The following NCAN variants were observed in gnomAD, a reference collection of about 807,000 sequenced individuals.
NCAN encodes neurocan core protein.
A neutral mutation model predicts 121.8 loss-of-function variants in NCAN; 47 were observed. That is an observed-to-expected ratio of 0.39 (90% CI 0.31 to 0.49). NCAN has a LOEUF of 0.49. Among genes scored for constraint, NCAN ranks in the 20% least tolerant of loss-of-function variants. NCAN has a pLI of 0.92. For synonymous variants in NCAN, 633 were observed against 702.0 expected, an observed-to-expected ratio of 0.90 and a Z score of 1.55; for missense variants, 1,517 against 1,773.4, an observed-to-expected ratio of 0.86 and a Z score of 2.60.
intron 14 of NCAN, among the ~76,000 whole-genome samples, chr19:19,249,218 C>G (rs989498445): frequency 6.6e-6 from 1 of 151,862 alleles, no homozygotes; most frequent in African/African-American, 2.4e-5. Context: ...TCACAGGTGT[C>G]CACTGCCATG....
At chr19:19,217,900 T>C (rs1251940876) in intron 2 of NCAN, among the ~76,000 whole-genome samples, 1 of 151,752 alleles carries the variant, frequency 6.6e-6, no homozygotes. Flanking sequence ...GGCATGAGAA[T>C]CGCTTGAACC....
At position 19,247,151 on chromosome 19, in the gene NCAN, C is replaced by T. The variant is rs112033779; in HGVS notation, c.3638-1549C>T. On this transcript the variant is annotated intron_variant, in intron 13 of 14. Transcript: ENST00000252575. ...AGGCTGGAGTACAGTGGCATTATCA[C>T]GGCTCACTGCAGATCACTTGAACTC... Among the ~76,000 whole-genome samples, 20 of 151,840 alleles carry T rather than the reference C, an allele frequency of 1.3e-4. 1 individual carries two copies. Among genetic ancestry groups the T allele is most frequent in the African/African-American group, 4.3e-4 (18 of 41,404 alleles).
At chr19:19,238,564 A>T (rs2060890639) in intron 11 of NCAN, 153 bp downstream of exon 11, 2 of 796,764 alleles carry the variant, frequency 2.5e-6, no homozygotes, top group African/African-American at 3.4e-5. Flanking sequence ...CTGCTTCTTA[A>T]TGCATGAAAT....
intron 1 of NCAN, among the ~76,000 whole-genome samples, chr19:19,213,838 A>G (rs2060785548): frequency 6.6e-6 from 1 of 152,108 alleles, no homozygotes; most frequent in African/African-American, 2.4e-5. Flanking sequence ...GACTGAGCCC[A>G]TCTCCCTTTC....
At chr19:19,241,867 T>C (rs1367815387) in intron 12 of NCAN, among the ~76,000 whole-genome samples, 1 of 151,984 alleles carries the variant, frequency 6.6e-6, no homozygotes, top group Non-Finnish European at 1.5e-5. Flanking sequence ...TATATGCATA[T>C]GCATATAATA....
chr19:19,242,942 C>T (rs921156771), intron 12 of NCAN, among the ~76,000 whole-genome samples: 1 of 152,042 alleles, frequency 6.6e-6, no homozygotes, highest in Non-Finnish European at 1.5e-5. Flanking sequence ...TGAGACCAGC[C>T]TGGGCAACAT....
intron 3 of NCAN, among the ~76,000 whole-genome samples, chr19:19,221,386 G>A (rs1422281980): frequency 2.0e-5 from 3 of 151,950 alleles, no homozygotes; most frequent in Non-Finnish European, 4.4e-5. Context: ...TGGCCAAGAT[G>A]GTGAAACCCC....
chr19:19,238,313 C>G lies in NCAN; in HGVS notation c.3311C>G (p.Ala1104Gly). 2 of 1,614,178 alleles carry G rather than the reference C, an allele frequency of 1.2e-6. No homozygotes were observed. Among genetic ancestry groups the G allele is most frequent in the Non-Finnish European group, 1.7e-6 (2 of 1,180,032 alleles). The stretch of plus-strand genomic sequence containing the variant: ...CAGGGCCACTGTTACCGCTATTTTG[C>G]CCACCGGAGGGCATGGGAAGATGCC... ...KFQGHCYRYFAHRRAWEDAEK... is the reference protein window; with the variant it reads ...KFQGHCYRYFGHRRAWEDAEK... The change falls in exon 11 of 15, where the codon GCC becomes GGC. Residue 1104 changes from alanine to glycine, a missense_variant. Transcript: ENST00000252575.
intron 13 of NCAN, 147 bp from the exon 14 acceptor site, chr19:19,248,553 A>G: frequency 6.1e-6 from 4 of 654,710 alleles, no homozygotes; most frequent in Non-Finnish European, 9.9e-6. Context: ...TGAACCAGAG[A>G]GGCGGAGGTT....
intron 3 of NCAN, 49 bp from the exon 4 acceptor site, chr19:19,223,972 G>A: frequency 1.4e-6 from 2 of 1,480,590 alleles, no homozygotes; most frequent in Non-Finnish European, 1.8e-6. Flanking sequence ...TGTTCTTGAA[G>A]ATTCCAGCAT....
Position 19,224,643 on chromosome 19 carries a change from C to T in NCAN, c.778+210C>T, listed in dbSNP as rs2060828748. Among the ~76,000 whole-genome samples, 3 of 149,914 alleles carry T rather than the reference C, an allele frequency of 2.0e-5. No homozygotes were observed. In the South Asian group the frequency reaches 6.5e-4, roughly 32 times the overall value. The stretch of plus-strand genomic sequence containing the variant: ...CCTTTGCCCCCTTCCTCTCTCTGAT[C>T]CTCTTTCCCTCTCTAATCCCCTGTC... On this transcript the variant is annotated intron_variant, in intron 5 of 14. Coordinates refer to ENST00000252575, the MANE Select transcript of NCAN (RefSeq NM_004386.3).
At position 19,226,970 on chromosome 19, in the gene NCAN, A is replaced by C. The variant is rs377179872; in HGVS notation, c.1557A>C (p.Gln519His). ...CCACCTCAGAGGCTGCAGTGAACCA[A>C]ATGGAGCCTCCGTTGGCCATGGCAG... ...QPPTSEAAVN[Q>H]MEPPLAMAVT... The change falls in exon 7 of 15, where the codon CAA becomes CAC. Residue 519 changes from glutamine to histidine, a missense_variant. Transcript: ENST00000252575. The C allele has an allele frequency of 6.5e-7, 1 of 1,545,560 alleles. No homozygotes were observed. Among genetic ancestry groups the C allele is most frequent in the African/African-American group, 1.4e-5 (1 of 72,600 alleles).
At chr19:19,224,559 C>A in intron 5 of NCAN, 126 bp downstream of exon 5, 1 of 1,266,292 alleles carries the variant, frequency 7.9e-7, no homozygotes, top group Non-Finnish European at 1.1e-6. Flanking sequence ...AACCTGCAAC[C>A]AAGACATGAT....
intron 12 of NCAN, among the ~76,000 whole-genome samples, chr19:19,243,937 A>G (rs1313730517): frequency 3.3e-5 from 5 of 151,090 alleles, no homozygotes; most frequent in Non-Finnish European, 5.9e-5. Flanking sequence ...GGGGCAGGAG[A>G]ATTGCTTGAA....
At chr19:19,240,745 T>C in intron 12 of NCAN, 60 bp downstream of exon 12, 1 of 1,540,058 alleles carries the variant, frequency 6.5e-7, no homozygotes, top group Non-Finnish European at 9.0e-7. Flanking sequence ...CCATCTGGCC[T>C]CAGTTTACCC....
At position 19,212,048 on chromosome 19, in the gene NCAN, T is replaced by C. The variant is rs548428510; in HGVS notation, c.-24T>C. ...TGCCCGGCGGCCGCCCCGGGATGCGTCCGAGCTAGGAGCCAGGTGGGGGAT... is the reference window on the plus strand; with the variant it reads ...TGCCCGGCGGCCGCCCCGGGATGCGCCCGAGCTAGGAGCCAGGTGGGGGAT... On this transcript the variant is annotated 5_prime_UTR_variant, in exon 1 of 15. Coordinates refer to ENST00000252575, the MANE Select transcript of NCAN (RefSeq NM_004386.3). The surrounding 1 kb of genome is among the most constrained non-coding windows in gnomAD (Gnocchi z 4.5). 8 of 210,512 alleles carry C rather than the reference T, an allele frequency of 3.8e-5. No homozygotes were observed. Among genetic ancestry groups the C allele is most frequent in the Non-Finnish European group, 7.1e-5 (7 of 98,880 alleles). 13.0% of individuals were successfully genotyped at this position (210,512 alleles called of 1,614,324 possible).
intron 3 of NCAN, 102 bp from the exon 4 acceptor site, chr19:19,223,919 A>G: frequency 8.1e-7 from 1 of 1,240,440 alleles, no homozygotes; most frequent in Non-Finnish European, 1.1e-6. Context: ...TAGGTCTATT[A>G]TTATCAGACA....
chr19:19,239,951 C>G (rs1230912736), intron 11 of NCAN, among the ~76,000 whole-genome samples: 2 of 145,250 alleles, frequency 1.4e-5, no homozygotes, highest in East Asian at 4.3e-4. Context: ...TCTGCCTCCT[C>G]CTTCCACTCA....
At position 19,249,750 on chromosome 19, in the gene NCAN, C is replaced by T. The variant is rs1418993012; in HGVS notation, c.3821-16C>T. On this transcript the variant is annotated splice_polypyrimidine_tract_variant and intron_variant, in intron 14 of 14. Transcript: ENST00000252575. ...CACCTTTTGTCCCTTCCCTGTCCTCCCTCACTTCCCTGCAGCCAGACGTTC... is the reference window on the plus strand; with the variant it reads ...CACCTTTTGTCCCTTCCCTGTCCTCTCTCACTTCCCTGCAGCCAGACGTTC... 1 of 1,588,322 alleles carries T rather than the reference C, an allele frequency of 6.3e-7. No individual in the cohort carries two copies. Among genetic ancestry groups the T allele is most frequent in the African/African-American group, 1.4e-5 (1 of 73,658 alleles).
Sources: gnomAD v4.1 joint callset for allele counts (sites outside exome capture counted in the v4.1 genomes callset) on GRCh38, gnomAD v4.1.1 for gene constraint, Gnocchi (gnomAD v3.1) non-coding constraint, MANE v1.5 for transcripts, NCBI Gene and HGNC (gene_info 2026-07-23, HGNC 2026-07-21) for gene names.